The following NFIA variants were observed in gnomAD, a reference collection of about 807,000 sequenced individuals.
The protein encoded by NFIA is nuclear factor 1 A-type.
A neutral mutation model predicts 62.8 loss-of-function variants in NFIA; 8 were observed. The observed-to-expected ratio is 0.13, with a 90% CI of 0.07 to 0.23. The LOEUF (loss-of-function observed/expected upper bound fraction) is 0.23. NFIA is among the 10% of genes least tolerant of loss of function. The probability of loss-of-function intolerance (pLI) is 1.00; values close to 1 mark genes in which losing one functional copy is unlikely to be tolerated. For missense variants in NFIA, 410 were observed against 642.1 expected, an observed-to-expected ratio of 0.64 and a Z score of 3.91; for synonymous variants, 235 against 238.1, an observed-to-expected ratio of 0.99 and a Z score of 0.12.
intron 2 of NFIA, among the ~76,000 whole-genome samples, chr1:61,155,600 G>A (rs966403885): frequency 6.6e-6 from 1 of 150,416 alleles, no homozygotes; most frequent in African/African-American, 2.5e-5. Flanking sequence ...GTGAACCCGG[G>A]AAGCGGAGCT....
At chr1:61,305,837 CTTTTGATTT>C (rs1659741451) in intron 3 of NFIA, among the ~76,000 whole-genome samples, 2 of 148,328 alleles carry the variant, frequency 1.3e-5, no homozygotes, top group Non-Finnish European at 3.0e-5. Context: ...ACACTGTCTT[CTTTTGATTT>C]TTTTTTTTTT....
At chr1:61,438,831 G>T (rs1490772371) in intron 10 of NFIA, among the ~76,000 whole-genome samples, 1 of 152,172 alleles carries the variant, frequency 6.6e-6, no homozygotes, top group Non-Finnish European at 1.5e-5. Context: ...ATACACAGCT[G>T]ACATGATTAG....
chr1:61,451,178 T>C (rs1392968361), intron 10 of NFIA, among the ~76,000 whole-genome samples: 1 of 152,200 alleles, frequency 6.6e-6, no homozygotes, highest in Non-Finnish European at 1.5e-5. Flanking sequence ...TTATGGTTCA[T>C]AAAACCTGAC....
chr1:61,114,326 A>T (rs12410750), intron 2 of NFIA, among the ~76,000 whole-genome samples: 21,550 of 146,542 alleles, frequency 0.15, 1,944 homozygotes, highest in East Asian at 0.46. Context: ...TCTTAAAAAA[A>T]TTTTTTTTTT....
chr1:61,250,016 A>C (rs1655923981), intron 2 of NFIA: 1 of 152,192 alleles, frequency 6.6e-6, no homozygotes, highest in Admixed American at 6.5e-5. Context: ...CTTGGTTAGT[A>C]AAAGTGCACA....
At chr1:61,098,713 C>G (rs1288858678) in intron 2 of NFIA, among the ~76,000 whole-genome samples, 1 of 152,150 alleles carries the variant, frequency 6.6e-6, no homozygotes, top group Non-Finnish European at 1.5e-5. Context: ...CACATTCAAT[C>G]AGTAACTACA....
At chr1:61,414,772 C>T (rs946424172) in intron 9 of NFIA, among the ~76,000 whole-genome samples, 8 of 151,974 alleles carry the variant, frequency 5.3e-5, no homozygotes, top group African/African-American at 1.2e-4. Flanking sequence ...CTTCCATTCG[C>T]GGAACTGTTT....
intron 2 of NFIA, among the ~76,000 whole-genome samples, chr1:61,095,212 G>C (rs562950507): frequency 2.6e-4 from 39 of 152,322 alleles, no homozygotes; most frequent in African/African-American, 8.7e-4. Context: ...GTAGAGAAAA[G>C]GAGATGGAAG....
intron 2 of NFIA, among the ~76,000 whole-genome samples, chr1:61,103,194 G>C (rs1193533222): frequency 2.0e-5 from 3 of 152,180 alleles, no homozygotes; most frequent in African/African-American, 7.2e-5. Context: ...TTGGTACATG[G>C]AACATATGGA....
intron 2 of NFIA, among the ~76,000 whole-genome samples, chr1:61,183,784 C>T (rs1455830409): frequency 1.3e-5 from 2 of 152,142 alleles, no homozygotes; most frequent in Non-Finnish European, 2.9e-5. Context: ...TGCCTTTTAG[C>T]CAAAGAGGAT....
chr1:61,256,729 A>T (rs1251583062), intron 2 of NFIA, among the ~76,000 whole-genome samples: 1 of 152,178 alleles, frequency 6.6e-6, no homozygotes, highest in Non-Finnish European at 1.5e-5. Flanking sequence ...TCATGTTTTG[A>T]TTGCAAGAAT....
intron 10 of NFIA, among the ~76,000 whole-genome samples, chr1:61,433,343 G>C (rs1324617407): frequency 6.6e-6 from 1 of 152,200 alleles, no homozygotes; most frequent in Non-Finnish European, 1.5e-5. Flanking sequence ...TTTGTCCAGA[G>C]ACCAGATAGC....
intron 4 of NFIA, among the ~76,000 whole-genome samples, chr1:61,341,622 C>T (rs1387926448): frequency 6.6e-6 from 1 of 152,102 alleles, no homozygotes; most frequent in Non-Finnish European, 1.5e-5. Context: ...GGACCACAGG[C>T]ACGCGTTGCC....
chr1:61,427,075 G>A (rs1460463423), intron 10 of NFIA, among the ~76,000 whole-genome samples: 1 of 152,106 alleles, frequency 6.6e-6, no homozygotes, highest in Non-Finnish European at 1.5e-5. Flanking sequence ...GTTTATTAGT[G>A]GTTACTGCTG....
At chr1:61,082,336 CG>C (rs1313914068), upstream of NFIA, 2 of 279,556 alleles carry the variant, frequency 7.2e-6, no homozygotes, top group East Asian at 3.4e-4. Flanking sequence ...CCCGGCTGGC[CG>C]CGCGGCGCCG....
At chr1:61,241,735 T>A (rs924303312) in intron 2 of NFIA, among the ~76,000 whole-genome samples, 1 of 152,042 alleles carries the variant, frequency 6.6e-6, no homozygotes, top group Non-Finnish European at 1.5e-5. Flanking sequence ...ACCATCTCCT[T>A]GGCACGAGTG....
At chr1:61,361,642 T>G (rs894978884) in intron 6 of NFIA, among the ~76,000 whole-genome samples, 1 of 152,180 alleles carries the variant, frequency 6.6e-6, no homozygotes, top group African/African-American at 2.4e-5. Flanking sequence ...TTTGACCTAG[T>G]GACTCTTTTA....
In NFIA at chr1:61,415,986, C is replaced by T. The variant is rs1056460213; in HGVS notation, c.1420+9259C>T. On this transcript the variant is annotated intron_variant, in intron 9 of 10. Coordinates refer to ENST00000403491, the MANE Select transcript of NFIA (RefSeq NM_001134673.4). ...GCTCTTTAAAAATAAAAAGATAGGT[C>T]TGTCTCCATGAATTCATGGACTAAT... Among the ~76,000 whole-genome samples the T allele has an allele frequency of 2.6e-5, 4 of 152,192 alleles. 1 individual carries two copies. The South Asian group carries it at 8.3e-4, about 32-fold the overall frequency.
At chr1:61,187,916 G>A (rs1315436742) in intron 2 of NFIA, among the ~76,000 whole-genome samples, 1 of 152,154 alleles carries the variant, frequency 6.6e-6, no homozygotes, top group African/African-American at 2.4e-5. Context: ...AGGCAGCCCT[G>A]TAGTAAGGAG....
Sources: allele counts gnomAD v4.1 joint callset (sites outside exome capture counted in the v4.1 genomes callset), GRCh38; gene constraint gnomAD v4.1.1; transcripts MANE v1.5; gene names NCBI Gene and HGNC (gene_info 2026-07-23, HGNC 2026-07-21).